The following TNR variants were observed in gnomAD, a reference collection of about 807,000 sequenced individuals.
TNR encodes the protein tenascin-R.
A neutral mutation model predicts 150.4 loss-of-function variants in TNR; 45 were observed. The ratio of observed to expected loss-of-function variants is 0.30; its 90% CI spans 0.24 to 0.38. The LOEUF (loss-of-function observed/expected upper bound fraction) is 0.38. TNR is among the 10% of genes least tolerant of loss of function. The pLI is 1.00. For synonymous variants in TNR, 687 were observed against 678.4 expected (o/e 1.01, Z -0.20); for missense variants, 1,544 against 1,759.1 (o/e 0.88, Z 2.19).
At chr1:175,503,950 A>G (rs548843608) in intron 2 of TNR, among the ~76,000 whole-genome samples, 1 of 152,276 alleles carries the variant, frequency 6.6e-6, no homozygotes, top group African/African-American at 2.4e-5. Flanking sequence ...TTGGGTTTAC[A>G]TATTGACAAA....
In TNR at chr1:175,337,612, C is replaced by T. The variant is rs371097299; in HGVS notation, c.3450G>A (p.Gly1150=). 13 of 1,614,012 alleles carry T rather than the reference C, an allele frequency of 8.1e-6. No homozygotes were observed. Among genetic ancestry groups the T allele is most frequent in the African/African-American group, 2.7e-5 (2 of 74,912 alleles). ...CCCCATTGAGGAAGATGGGGTAAAC[C>T]CCACTCAAAGTGTCTCCATTCATCA... ...QHLMNGDTLS[G]VYPIFLNGEL... Residue 1150 remains glycine (G), a synonymous_variant, in exon 19 of 23, where the codon GGG becomes GGA. Coordinates refer to ENST00000367674, the MANE Select transcript of TNR (RefSeq NM_003285.3).
chr1:175,501,990 G>C (rs1438281483), intron 2 of TNR, among the ~76,000 whole-genome samples: 1 of 152,186 alleles, frequency 6.6e-6, no homozygotes, highest in Admixed American at 6.5e-5. Context: ...AGGGATGGAA[G>C]CACAATGCAA....
At chr1:175,422,938 T>A (rs572740081) in intron 2 of TNR, among the ~76,000 whole-genome samples, 1 of 152,326 alleles carries the variant, frequency 6.6e-6, no homozygotes, top group South Asian at 2.1e-4. Flanking sequence ...TCCAGGGGTC[T>A]CCATCAGGGA....
At chr1:175,428,833 C>T (rs923018979) in intron 2 of TNR, among the ~76,000 whole-genome samples, 3 of 152,318 alleles carry the variant, frequency 2.0e-5, no homozygotes, top group South Asian at 2.1e-4. Context: ...TGACATGACT[C>T]ATTTGTCTGT....
chr1:175,362,633 T>C (rs954939587), intron 14 of TNR, 30 bp downstream of exon 14: 5 of 1,605,230 alleles, frequency 3.1e-6, no homozygotes, highest in African/African-American at 2.7e-5. Flanking sequence ...GCCAGGGTTC[T>C]GACTTGACAC....
At chr1:175,722,919 G>A (rs780792480) in intron 1 of TNR, among the ~76,000 whole-genome samples, 6 of 152,028 alleles carry the variant, frequency 3.9e-5, no homozygotes, top group Non-Finnish European at 8.8e-5. Flanking sequence ...TGCCTCCCAA[G>A]TAGCTGGGAT....
At chr1:175,695,104 G>C (rs1535578) in intron 1 of TNR, among the ~76,000 whole-genome samples, 22,532 of 152,172 alleles carry the variant, frequency 0.15, 1,991 homozygotes, top group East Asian at 0.25. Flanking sequence ...TCCCCTCTAA[G>C]AAGTAGAACA....
intron 2 of TNR, among the ~76,000 whole-genome samples, chr1:175,456,446 G>C (rs1656578449): frequency 6.6e-6 from 1 of 152,174 alleles, no homozygotes; most frequent in Non-Finnish European, 1.5e-5. Context: ...CAAAGGCGAG[G>C]ATTTTTGACT....
chr1:175,369,072 CT>C (rs1261305395), intron 9 of TNR, among the ~76,000 whole-genome samples: 1 of 152,140 alleles, frequency 6.6e-6, no homozygotes, highest in East Asian at 1.9e-4. Flanking sequence ...CTTTTTGGGG[CT>C]TTGTGTGGGC....
At chr1:175,508,842 A>G (rs1659057245) in intron 2 of TNR, among the ~76,000 whole-genome samples, 1 of 152,222 alleles carries the variant, frequency 6.6e-6, no homozygotes, top group African/African-American at 2.4e-5. Context: ...GTGTGGGGTC[A>G]TTTGTGACTC....
At chr1:175,340,250 C>T (rs752674799) in intron 18 of TNR, among the ~76,000 whole-genome samples, 7 of 152,168 alleles carry the variant, frequency 4.6e-5, no homozygotes, top group Non-Finnish European at 8.8e-5. Flanking sequence ...CCCAGATGTG[C>T]ATGAGGCAAT....
At chr1:175,581,462 G>A (rs1227069648) in intron 1 of TNR, among the ~76,000 whole-genome samples, 3 of 152,154 alleles carry the variant, frequency 2.0e-5, no homozygotes, top group Non-Finnish European at 4.4e-5. Context: ...TCTTGGGGTC[G>A]AGCATTTGCA....
chr1:175,413,083 T>G (rs1352862406), intron 2 of TNR, among the ~76,000 whole-genome samples: 1 of 152,204 alleles, frequency 6.6e-6, no homozygotes, highest in African/African-American at 2.4e-5. Flanking sequence ...TGGAGTGCAG[T>G]GGCACGATCT....
chr1:175,512,603 G>A (rs1659233732), intron 2 of TNR, among the ~76,000 whole-genome samples: 1 of 152,172 alleles, frequency 6.6e-6, no homozygotes, highest in East Asian at 1.9e-4. Context: ...CTCTGCCTAG[G>A]AATTTAGAAT....
At chr1:175,400,294 A>C (rs915668051) in intron 4 of TNR, among the ~76,000 whole-genome samples, 1 of 152,216 alleles carries the variant, frequency 6.6e-6, no homozygotes, top group South Asian at 2.1e-4. Context: ...AAGATAAAAG[A>C]GTGCTAGAAG....
Position 175,330,251 on chromosome 1 carries a change from G to A in TNR, c.3632-16C>T, listed in dbSNP as rs202186062. ...TTGTCCAGCCCTGTGGAGAAGAGCAGAAAATGCACTGAGACTGGCCCCCAG... is the reference window on the plus strand; with the variant it reads ...TTGTCCAGCCCTGTGGAGAAGAGCAAAAAATGCACTGAGACTGGCCCCCAG... On this transcript the variant is annotated splice_polypyrimidine_tract_variant and intron_variant, in intron 20 of 22. Transcript: ENST00000367674. 105 of 1,518,522 alleles carry A rather than the reference G, an allele frequency of 6.9e-5. No homozygotes were observed. Among genetic ancestry groups the A allele is most frequent in the Middle Eastern group, 1.8e-4 (1 of 5,682 alleles). The allele number at this position is 1,518,522 out of a possible 1,614,324, so 94.1% of individuals were successfully genotyped here.
chr1:175,405,588 T>C (rs1182239235), intron 3 of TNR, among the ~76,000 whole-genome samples: 1 of 149,154 alleles, frequency 6.7e-6, no homozygotes, highest in Admixed American at 6.7e-5. Context: ...CGTGTGTGCA[T>C]GCGTGAGAGA....
At chr1:175,376,034 G>C (rs1405812961) in intron 9 of TNR, among the ~76,000 whole-genome samples, 1 of 152,086 alleles carries the variant, frequency 6.6e-6, no homozygotes, top group Non-Finnish European at 1.5e-5. Flanking sequence ...TTCCACAGCT[G>C]TGCTCTAAGT....
At chr1:175,430,250 G>A (rs1030734801) in intron 2 of TNR, among the ~76,000 whole-genome samples, 2 of 152,152 alleles carry the variant, frequency 1.3e-5, no homozygotes, top group Admixed American at 6.5e-5. Flanking sequence ...TAGAGCCTGA[G>A]GAAGTTAAAT....
Sources: allele counts gnomAD v4.1 joint callset (sites outside exome capture counted in the v4.1 genomes callset), GRCh38; gene constraint gnomAD v4.1.1; transcripts MANE v1.5; gene names NCBI Gene and HGNC (gene_info 2026-07-23, HGNC 2026-07-21).